MACROD2: variants seen among roughly 807,000 people sequenced by gnomAD.
The protein encoded by MACROD2 is ADP-ribose glycohydrolase MACROD2.
MACROD2 carries 36 observed loss-of-function variants against 70.4 expected under a neutral mutation model. That is an observed-to-expected ratio of 0.51 (90% CI 0.39 to 0.68). The LOEUF (loss-of-function observed/expected upper bound fraction) is 0.68, where lower values mean the gene tolerates loss of function less well. Among genes scored for constraint, MACROD2 ranks in the 30% least tolerant of loss-of-function variants. The pLI is 0.00. For synonymous variants in MACROD2, 172 were observed against 178.8 expected, an observed-to-expected ratio of 0.96 and a Z score of 0.30; for missense variants, 496 against 538.4, an observed-to-expected ratio of 0.92 and a Z score of 0.78.
intron 3 of MACROD2, among the ~76,000 whole-genome samples, chr20:14,117,266 G>A (rs1047804229): frequency 6.6e-6 from 1 of 151,876 alleles, no homozygotes; most frequent in African/African-American, 2.4e-5. Flanking sequence ...TGTACTTTAC[G>A]TACAGTGACT....
intron 8 of MACROD2, among the ~76,000 whole-genome samples, chr20:15,700,772 A>C (rs909734004): frequency 2.6e-5 from 4 of 152,204 alleles, no homozygotes; most frequent in African/African-American, 9.7e-5. Flanking sequence ...TGAAATATTA[A>C]TACCCAGAGC....
chr20:15,845,277 G>A (rs986098510), intron 8 of MACROD2, among the ~76,000 whole-genome samples: 2 of 152,102 alleles, frequency 1.3e-5, no homozygotes, highest in African/African-American at 4.8e-5. Flanking sequence ...CCATAAAAAT[G>A]TCCAGGACTG....
chr20:15,754,392 G>T (rs992796416), intron 8 of MACROD2, among the ~76,000 whole-genome samples: 7 of 152,196 alleles, frequency 4.6e-5, no homozygotes, highest in African/African-American at 1.7e-4. Flanking sequence ...GGAGGCCAAG[G>T]TGGGCAGATC....
chr20:15,283,568 A>G (rs1416052237), intron 6 of MACROD2, among the ~76,000 whole-genome samples: 5 of 152,110 alleles, frequency 3.3e-5, no homozygotes, highest in African/African-American at 1.2e-4. Flanking sequence ...GCTACTCAAG[A>G]GGCTGAGGCA....
At chr20:14,131,867 C>T (rs1428654259) in intron 3 of MACROD2, among the ~76,000 whole-genome samples, 2 of 152,024 alleles carry the variant, frequency 1.3e-5, no homozygotes, top group Non-Finnish European at 2.9e-5. Flanking sequence ...CGCGGTGGCT[C>T]ACGCTTGTAA....
intron 6 of MACROD2, among the ~76,000 whole-genome samples, chr20:15,330,667 C>T (rs1036701870): frequency 1.3e-5 from 2 of 151,492 alleles, no homozygotes; most frequent in African/African-American, 4.9e-5. Context: ...AGGAAACTGC[C>T]ACCTGTTTGG....
At chr20:14,608,474 G>A (rs1442526355) in intron 4 of MACROD2, among the ~76,000 whole-genome samples, 1 of 152,068 alleles carries the variant, frequency 6.6e-6, no homozygotes, top group Non-Finnish European at 1.5e-5. Flanking sequence ...AAAAACTCAG[G>A]CCTAAGTGAA....
chr20:14,292,816 G>A (rs2327847), intron 3 of MACROD2, among the ~76,000 whole-genome samples: 40,870 of 151,504 alleles, frequency 0.27, 6,051 homozygotes, highest in African/African-American at 0.34. Flanking sequence ...TGTACTTTTA[G>A]TAGAGATGGG....
intron 6 of MACROD2, among the ~76,000 whole-genome samples, chr20:15,383,361 C>G (rs1317621964): frequency 2.0e-5 from 3 of 152,146 alleles, no homozygotes; most frequent in African/African-American, 7.2e-5. Context: ...TCAATCCTTA[C>G]AGCACTGAGA....
rs143184360 is a variant in MACROD2, at chr20:15,996,553, T to G, written c.1153+9395T>G. Reference sequence around the variant, plus strand: ...TTTTGGTTTAATCAGATTTTCTTTTTTAAATCAGGTAATCTGTTTTATTAT... The same window carrying G: ...TTTTGGTTTAATCAGATTTTCTTTTGTAAATCAGGTAATCTGTTTTATTAT... On this transcript the variant is annotated intron_variant, in intron 15 of 17. Coordinates refer to ENST00000684519, the MANE Select transcript of MACROD2 (RefSeq NM_001351661.2). 2.2e-3 allele frequency among the ~76,000 whole-genome samples: 331 copies of G among 152,298 alleles called. 1 individual carries two copies. The highest frequency in any genetic ancestry group is 7.5e-3 in the African/African-American group (311 of 41,588).
In MACROD2 at chr20:16,030,254, C is replaced by T. The variant is rs554149756; in HGVS notation, c.1154-10947C>T. Among the ~76,000 whole-genome samples the T allele has an allele frequency of 6.4e-4, 98 of 152,308 alleles. 1 individual carries two copies. The highest frequency in any genetic ancestry group is 2.2e-3 in the African/African-American group (91 of 41,566). ...CAGACAAATTTGGGGGGAACCTGGG[C>T]TGGGCGTGGGATATGCTATATACTT... On this transcript the variant is annotated intron_variant, in intron 15 of 17. Coordinates refer to ENST00000684519, the MANE Select transcript of MACROD2 (RefSeq NM_001351661.2).
intron 3 of MACROD2, among the ~76,000 whole-genome samples, chr20:14,489,338 G>T (rs539134601): frequency 6.6e-6 from 1 of 152,194 alleles, no homozygotes; most frequent in Non-Finnish European, 1.5e-5. Flanking sequence ...ACAGCTGTCA[G>T]GTGAGATGGT....
At chr20:15,028,484 A>G (rs2075250459) in intron 5 of MACROD2, among the ~76,000 whole-genome samples, 2 of 152,226 alleles carry the variant, frequency 1.3e-5, no homozygotes, top group African/African-American at 4.8e-5. Context: ...ATTATTAAGC[A>G]CCTACTGGAT....
intron 5 of MACROD2, among the ~76,000 whole-genome samples, chr20:14,988,567 AG>A (rs1383983217): frequency 6.6e-6 from 1 of 152,148 alleles, no homozygotes; most frequent in Non-Finnish European, 1.5e-5. Context: ...TATGTTTTTA[AG>A]TGACATTGAT....
At chr20:15,200,867 G>T (rs1189081238) in intron 5 of MACROD2, among the ~76,000 whole-genome samples, 3 of 152,158 alleles carry the variant, frequency 2.0e-5, no homozygotes, top group Admixed American at 6.5e-5. Flanking sequence ...CTCAGGAGAT[G>T]CCCCTGTTGC....
At chr20:15,157,729 G>A (rs2076319421) in intron 5 of MACROD2, among the ~76,000 whole-genome samples, 1 of 152,084 alleles carries the variant, frequency 6.6e-6, no homozygotes, top group Non-Finnish European at 1.5e-5. Flanking sequence ...GCCAATGGTG[G>A]GCACTGGCAG....
intron 5 of MACROD2, among the ~76,000 whole-genome samples, chr20:15,174,996 G>T (rs1174851767): frequency 1.3e-5 from 2 of 151,942 alleles, no homozygotes; most frequent in Non-Finnish European, 2.9e-5. Context: ...CTGTGCAGAA[G>T]CTCTTTAGTT....
intron 4 of MACROD2, among the ~76,000 whole-genome samples, chr20:14,560,008 A>G (rs1979317035): frequency 6.6e-6 from 1 of 151,658 alleles, no homozygotes; most frequent in Non-Finnish European, 1.5e-5. Flanking sequence ...GAATGTGAAA[A>G]TGTTTAATAG....
At chr20:14,840,706 A>G (rs1441697644) in intron 5 of MACROD2, among the ~76,000 whole-genome samples, 1 of 152,166 alleles carries the variant, frequency 6.6e-6, no homozygotes, top group Admixed American at 6.5e-5. Flanking sequence ...ATGTTCTCTC[A>G]TTGGAAAGGT....
Sources: allele counts gnomAD v4.1 joint callset (sites outside exome capture counted in the v4.1 genomes callset), GRCh38; gene constraint gnomAD v4.1.1; transcripts MANE v1.5; gene names NCBI Gene and HGNC (gene_info 2026-07-23, HGNC 2026-07-21).